DNAH3: variants seen among roughly 807,000 people sequenced by gnomAD.
The protein encoded by DNAH3 is dynein axonemal heavy chain 3.
Under a neutral mutation model 432.5 loss-of-function variants are expected in DNAH3, and 332 were observed. That is an observed-to-expected ratio of 0.77 (90% CI 0.70 to 0.84). DNAH3 has a LOEUF of 0.84. Ranked by LOEUF, DNAH3 falls within the 40% of genes least tolerant of loss-of-function variation. DNAH3 has a pLI of 0.00. For synonymous variants in DNAH3, 1,956 were observed against 1,900.2 expected (o/e 1.03, Z -0.76); for missense variants, 4,861 against 5,114.0 (o/e 0.95, Z 1.51).
chr16:20,984,652 T>C (rs1381415038), intron 48 of DNAH3, among the ~76,000 whole-genome samples: 1 of 152,096 alleles, frequency 6.6e-6, no homozygotes, highest in Non-Finnish European at 1.5e-5. Flanking sequence ...GGCAGATCAC[T>C]TGAAGCCAGG....
intron 8 of DNAH3, 46 bp downstream of exon 9, chr16:21,127,641 C>T: frequency 6.2e-7 from 1 of 1,607,510 alleles, no homozygotes; most frequent in Non-Finnish European, 8.5e-7. Flanking sequence ...GGTTTTCAGT[C>T]TTTAAGATAC....
At chr16:21,155,085 G>A (rs1221691283) in intron 1 of DNAH3, among the ~76,000 whole-genome samples, 1 of 151,808 alleles carries the variant, frequency 6.6e-6, no homozygotes, top group East Asian at 2.0e-4. Flanking sequence ...CAGTAACTGG[G>A]ATTACAGGCG....
chr16:20,953,144 TTTTG>T (rs1024364800), intron 55 of DNAH3, among the ~76,000 whole-genome samples: 2 of 151,502 alleles, frequency 1.3e-5, no homozygotes, highest in African/African-American at 4.8e-5. Context: ...CTTTTGTTTG[TTTTG>T]TTTTTTTGTT....
intron 20 of DNAH3, among the ~76,000 whole-genome samples, chr16:21,077,133 T>C (rs2091002865): frequency 6.6e-6 from 1 of 151,954 alleles, no homozygotes; most frequent in Admixed American, 6.6e-5. Context: ...CCATCTTTGT[T>C]TATGCCTTAT....
exon 14 of DNAH3, chr16:21,111,731 C>A (rs1243937515): frequency 1.9e-6 from 3 of 1,614,070 alleles, no homozygotes; most frequent in Middle Eastern, 1.7e-4. Context: ...AGCATCAAGG[C>A]AGAACATGGC....
At chr16:21,090,067 C>A (rs975076873) in intron 18 of DNAH3, among the ~76,000 whole-genome samples, 2 of 150,706 alleles carry the variant, frequency 1.3e-5, no homozygotes, top group African/African-American at 4.9e-5. Context: ...TAAATTAGAC[C>A]ATTTTTTTTT....
At chr16:20,945,124 C>A (rs945015682) in intron 57 of DNAH3, among the ~76,000 whole-genome samples, 1 of 152,182 alleles carries the variant, frequency 6.6e-6, no homozygotes, top group Non-Finnish European at 1.5e-5. Flanking sequence ...GTCACAAAGA[C>A]CTTGCTGATA....
intron 9 of DNAH3, among the ~76,000 whole-genome samples, chr16:21,123,252 C>T (rs2092381092): frequency 6.6e-6 from 1 of 151,764 alleles, no homozygotes; most frequent in Non-Finnish European, 1.5e-5. Context: ...TACAAAAGCT[C>T]TAACCCAGGA....
At chr16:21,125,418 A>T in intron 8 of DNAH3, 48 bp from the exon 10 acceptor site, 1 of 1,483,684 alleles carries the variant, frequency 6.7e-7, no homozygotes, top group Non-Finnish European at 9.0e-7. Context: ...CTGGGCTCCG[A>T]GGAACCCACT....
chr16:20,994,810 C>A (rs2086694209), intron 44 of DNAH3, among the ~76,000 whole-genome samples: 1 of 152,092 alleles, frequency 6.6e-6, no homozygotes, highest in Non-Finnish European at 1.5e-5. Flanking sequence ...AAGACAATAA[C>A]ATCTTTAAGT....
intron 24 of DNAH3, among the ~76,000 whole-genome samples, chr16:21,066,718 G>C (rs900972911): frequency 6.6e-6 from 1 of 152,030 alleles, no homozygotes; most frequent in East Asian, 1.9e-4. Context: ...ATTGGTTCTT[G>C]TGTGGAAAAA....
chr16:21,149,686 C>A (rs1442611955), intron 1 of DNAH3, among the ~76,000 whole-genome samples: 1 of 152,124 alleles, frequency 6.6e-6, no homozygotes, highest in East Asian at 1.9e-4. Flanking sequence ...TTCTAATGTT[C>A]AGCCACAGTC....
At chr16:21,064,140 A>T (rs75015401) in intron 24 of DNAH3, among the ~76,000 whole-genome samples, 3,226 of 152,276 alleles carry the variant, frequency 0.021, 120 homozygotes, top group African/African-American at 0.073. Context: ...AGTGAACATG[A>T]GTCTGTGCAC....
intron 20 of DNAH3, among the ~76,000 whole-genome samples, chr16:21,077,084 A>G (rs1055294646): frequency 7.2e-5 from 11 of 152,106 alleles, no homozygotes; most frequent in Admixed American, 6.6e-4. Context: ...CCAGTTGAGA[A>G]CCACTGTTGT....
Position 21,099,973 on chromosome 16 carries a change from T to A in DNAH3, c.2367-1204A>T, listed in dbSNP as rs565074006. Among the ~76,000 whole-genome samples the A allele has an allele frequency of 2.0e-5, 3 of 152,360 alleles. No individual in the cohort carries two copies. In the South Asian group the frequency reaches 6.2e-4, roughly 32 times the overall value. ...AAGGGAACTTGTCATTGAGATCAGC[T>A]ATAGTGACATTTCATAAATTTGGTT... On this transcript the variant is annotated intron_variant, in intron 16 of 61. Coordinates refer to ENST00000261383, the Ensembl canonical transcript of DNAH3.
chr16:21,026,098 G>C (rs1206303381), intron 38 of DNAH3, among the ~76,000 whole-genome samples: 1 of 151,960 alleles, frequency 6.6e-6, no homozygotes, highest in Non-Finnish European at 1.5e-5. Flanking sequence ...TGTGAGTTCT[G>C]CCACTATATT....
chr16:21,014,771 A>G (rs914424544), intron 41 of DNAH3, among the ~76,000 whole-genome samples: 1 of 152,174 alleles, frequency 6.6e-6, no homozygotes, highest in African/African-American at 2.4e-5. Context: ...ACAAAAGTCA[A>G]TTGCTTTTCT....
intron 37 of DNAH3, among the ~76,000 whole-genome samples, chr16:21,030,017 T>C (rs544814840): frequency 1.4e-4 from 21 of 152,198 alleles, no homozygotes; most frequent in Non-Finnish European, 2.1e-4. Context: ...TTTGTAGAGA[T>C]GGCTCACTGT....
In DNAH3 at chr16:20,961,378, G is replaced by A. The variant is rs1291829296; in HGVS notation, c.10600+1906C>T. Among the ~76,000 whole-genome samples the A allele has an allele frequency of 5.3e-5, 8 of 152,026 alleles. No homozygotes were observed. The South Asian group carries it at 8.3e-4, about 16-fold the overall frequency. ...GGGGAGGGAGAAAGGATAGCATTAG[G>A]AGATACACCTAATGTAAATGATGAG... On this transcript the variant is annotated intron_variant, in intron 53 of 61. Coordinates refer to ENST00000261383, the Ensembl canonical transcript of DNAH3.
Sources: gnomAD v4.1 joint callset for allele counts (sites outside exome capture counted in the v4.1 genomes callset) on GRCh38, gnomAD v4.1.1 for gene constraint, MANE v1.5 for transcripts, NCBI Gene and HGNC (gene_info 2026-07-23, HGNC 2026-07-21) for gene names.